FGF12: variants seen among roughly 807,000 people sequenced by gnomAD.
FGF12 encodes the protein fibroblast growth factor 12B.
FGF12 carries 14 observed loss-of-function variants against 23.6 expected under a neutral mutation model. That is an observed-to-expected ratio of 0.59 (90% CI 0.39 to 0.93). FGF12 has a LOEUF of 0.93. Among genes scored for constraint, FGF12 ranks in the 40% least tolerant of loss-of-function variants. FGF12 has a pLI of 0.00. For synonymous variants in FGF12, 62 were observed against 77.3 expected, an observed-to-expected ratio of 0.80 and a Z score of 1.04; for missense variants, 175 against 217.8, an observed-to-expected ratio of 0.80 and a Z score of 1.24.
chr3:192,682,126 T>C (rs996677073), intron 2 of FGF12, among the ~76,000 whole-genome samples: 1 of 152,142 alleles, frequency 6.6e-6, no homozygotes, highest in African/African-American at 2.4e-5. Flanking sequence ...CCGGGAGAAA[T>C]GGTGACACAC....
intron 2 of FGF12, among the ~76,000 whole-genome samples, chr3:192,670,469 C>T (rs13066973): frequency 0.055 from 8,315 of 152,104 alleles, 252 homozygotes; most frequent in Middle Eastern, 0.088. Flanking sequence ...GTAATCATCA[C>T]ACGTGGACAA....
intron 2 of FGF12, among the ~76,000 whole-genome samples, chr3:192,471,779 C>A (rs533156766): frequency 4.1e-4 from 63 of 152,202 alleles, no homozygotes; most frequent in African/African-American, 1.5e-3. Flanking sequence ...TATTGAGGAC[C>A]GACTGTGGAA....
rs884309 is a variant in FGF12 at position 192,409,198 on chromosome 3, G to T, written c.14-48660C>A. 0.11 allele frequency: 17,660 copies of T among 154,556 alleles called. 1,429 individuals are homozygous for T. Among genetic ancestry groups the T allele is most frequent in the East Asian group, 0.45 (2,308 of 5,144 alleles). 9.6% of individuals were successfully genotyped at this position (154,556 alleles called of 1,614,324 possible). A position where few individuals can be genotyped will look rare whatever the true frequency, so the allele number is the denominator to read the frequency against. The stretch of plus-strand genomic sequence containing the variant: ...CTCTTTCTCTTTCCGCTTGCTTTCC[G>T]GCACGAGACGGGCACAGTTGGTGAT... On this transcript the variant is annotated intron_variant, in intron 2 of 5. Transcript: ENST00000445105. The surrounding 1 kb of genome is among the most constrained non-coding windows in gnomAD (Gnocchi z 4.8).
intron 4 of FGF12, among the ~76,000 whole-genome samples, chr3:192,193,581 T>C (rs1382341674): frequency 1.3e-5 from 2 of 152,216 alleles, no homozygotes; most frequent in Non-Finnish European, 2.9e-5. Flanking sequence ...CTCTTGAAGA[T>C]TAATGATTAG....
In FGF12 at chr3:192,409,403, G is replaced by T. The variant is rs1721105537; in HGVS notation, c.14-48865C>A. Among the ~76,000 whole-genome samples the T allele has an allele frequency of 6.6e-6, 1 of 152,190 alleles. No individual in the cohort carries two copies. The highest frequency in any genetic ancestry group is 2.1e-4 in the South Asian group (1 of 4,836). ...GTCTCCGCACAGGCTCAGAGGGAGCGAGGGAAGGGAGGGAAGGAAGGGGCG... is the reference window on the plus strand; with the variant it reads ...GTCTCCGCACAGGCTCAGAGGGAGCTAGGGAAGGGAGGGAAGGAAGGGGCG... On this transcript the variant is annotated intron_variant, in intron 2 of 5. Coordinates refer to ENST00000445105, the MANE Select transcript of FGF12 (RefSeq NM_004113.6). This position sits in a 1 kb window ranked among gnomAD's most constrained non-coding sequence, Gnocchi z 4.8.
At chr3:192,556,129 G>A (rs1711763249) in intron 2 of FGF12, among the ~76,000 whole-genome samples, 1 of 151,970 alleles carries the variant, frequency 6.6e-6, no homozygotes, top group South Asian at 2.1e-4. Flanking sequence ...AGGATAGACA[G>A]AAAACAACTA....
chr3:192,247,101 G>C (rs952812855), intron 4 of FGF12, among the ~76,000 whole-genome samples: 1 of 131,146 alleles, frequency 7.6e-6, no homozygotes, highest in Admixed American at 7.7e-5. Flanking sequence ...AGGAAGGAAG[G>C]AATATCCTAA....
At chr3:192,618,463 AGAAG>A (rs891516309) in intron 2 of FGF12, among the ~76,000 whole-genome samples, 3 of 152,154 alleles carry the variant, frequency 2.0e-5, no homozygotes, top group East Asian at 1.9e-4. Flanking sequence ...CTAGGTGAAA[AGAAG>A]GAAGGAAGGA....
chr3:192,238,423 G>T (rs79438611), intron 4 of FGF12: 2,228 of 152,442 alleles, frequency 0.015, 24 homozygotes, highest in Non-Finnish European at 0.024. Context: ...AAGCAGGTAC[G>T]TGCTGGCAGG....
At chr3:192,244,066 C>T (rs1051989357) in intron 4 of FGF12, among the ~76,000 whole-genome samples, 2 of 152,170 alleles carry the variant, frequency 1.3e-5, no homozygotes, top group Admixed American at 1.3e-4. Flanking sequence ...ACATAACTCA[C>T]TGTGCTAGTG....
At chr3:192,304,098 TC>T (rs1227579327) in intron 4 of FGF12, among the ~76,000 whole-genome samples, 2 of 152,192 alleles carry the variant, frequency 1.3e-5, no homozygotes, top group Non-Finnish European at 2.9e-5. Context: ...TATCATTCCA[TC>T]ATTTAATGCT....
chr3:192,309,731 G>C (rs1715839292), intron 4 of FGF12, among the ~76,000 whole-genome samples: 1 of 152,106 alleles, frequency 6.6e-6, no homozygotes, highest in Non-Finnish European at 1.5e-5. Context: ...ATGGAAAGTT[G>C]AGATATATGA....
intron 2 of FGF12, among the ~76,000 whole-genome samples, chr3:192,684,497 T>C (rs1225395056): frequency 6.6e-6 from 1 of 152,114 alleles, no homozygotes. Context: ...TTTTAGGAAG[T>C]TCATCTGCTC....
intron 4 of FGF12, among the ~76,000 whole-genome samples, chr3:192,232,668 T>C (rs1296396092): frequency 6.6e-6 from 1 of 152,000 alleles, no homozygotes; most frequent in Non-Finnish European, 1.5e-5. Context: ...GCATAGTACT[T>C]GATAGGTAGT....
chr3:192,242,434 T>C (rs1190773386), intron 4 of FGF12, among the ~76,000 whole-genome samples: 1 of 152,092 alleles, frequency 6.6e-6, no homozygotes. Context: ...ATCAAAATTG[T>C]TCCAATTGAG....
rs574116090 is a variant in FGF12, at chr3:192,180,154, C to T, written c.229-9498G>A. Among the ~76,000 whole-genome samples the T allele has an allele frequency of 2.6e-5, 4 of 151,626 alleles. No homozygotes were observed. The East Asian group carries it at 7.7e-4, about 29-fold the overall frequency. ...TTTCTCTGGTAGAGGAATTTGGTGC[C>T]ATCAATTGGAGATAAGTGATGTGGT... On this transcript the variant is annotated intron_variant, in intron 4 of 5. Transcript: ENST00000445105.
intron 4 of FGF12, among the ~76,000 whole-genome samples, chr3:192,275,350 C>A (rs989441408): frequency 4.1e-5 from 6 of 146,346 alleles, no homozygotes; most frequent in Non-Finnish European, 7.5e-5. Flanking sequence ...AGTAAAGTAA[C>A]TTTGAAAAGA....
chr3:192,712,591 T>A (rs1019115830), intron 2 of FGF12, among the ~76,000 whole-genome samples: 1 of 152,002 alleles, frequency 6.6e-6, no homozygotes, highest in African/African-American at 2.4e-5. Context: ...GAAAAAAAGA[T>A]GTTGTAATGG....
At chr3:192,167,998 C>T (rs563086406) in intron 5 of FGF12, among the ~76,000 whole-genome samples, 2 of 151,414 alleles carry the variant, frequency 1.3e-5, no homozygotes, top group South Asian at 4.2e-4. Flanking sequence ...AACTCCTGAC[C>T]TCGTGATCCG....
Sources: gnomAD v4.1 joint callset for allele counts (sites outside exome capture counted in the v4.1 genomes callset) on GRCh38, gnomAD v4.1.1 for gene constraint, Gnocchi (gnomAD v3.1) non-coding constraint, MANE v1.5 for transcripts, NCBI Gene and HGNC (gene_info 2026-07-23, HGNC 2026-07-21) for gene names.